The following CEACAM4 variants were observed in gnomAD, a reference collection of about 807,000 sequenced individuals.
CEACAM4 encodes the protein CEA cell adhesion molecule 4, also known as cell adhesion molecule CEACAM4.
In CEACAM4, 30 loss-of-function variants were observed where a neutral mutation model predicts 28.7. The ratio of observed to expected loss-of-function variants is 1.05; its 90% CI spans 0.78 to 1.42. The LOEUF is 1.42. Ranked by LOEUF, CEACAM4 falls within the 40% of genes most tolerant of loss-of-function variation. The pLI, the probability that CEACAM4 is intolerant of heterozygous loss-of-function variation, is 0.00. For missense variants in CEACAM4, 330 were observed against 308.2 expected (o/e 1.07, Z -0.53); for synonymous variants, 143 against 126.5 (o/e 1.13, Z -0.87).
intron 5 of CEACAM4, among the ~76,000 whole-genome samples, 180 bp from the exon 6 acceptor site, chr19:41,619,891 C>G (rs1373582528): frequency 2.0e-5 from 3 of 152,140 alleles, no homozygotes; most frequent in African/African-American, 7.2e-5. Flanking sequence ...GACACAACAC[C>G]CTGACCCCTG....
downstream of CEACAM4, among the ~76,000 whole-genome samples, chr19:41,617,758 C>T (rs1013204687): frequency 1.4e-4 from 22 of 152,152 alleles, no homozygotes; most frequent in African/African-American, 5.3e-4. Context: ...AGGAAATGCA[C>T]TCTTCCCTGG....
In CEACAM4 at chr19:41,620,592, G is replaced by T; in HGVS notation, c.578C>A (p.Pro193His). 2 of 1,612,994 alleles carry T rather than the reference G, an allele frequency of 1.2e-6. No homozygotes were observed. The highest frequency in any genetic ancestry group is 2.2e-5 in the South Asian group (2 of 91,042). The change falls in exon 4 of 7, where the codon CCC (proline) becomes CAC (histidine). Residue 193 changes from proline to histidine, a missense_variant. Transcript: ENST00000221954. Reference sequence around the variant, plus strand: ...ACACTCACCAGGGGTGGAGGCTGGGGGCGGCTGCTCCCTGAGGTCACGCTG... The same window carrying T: ...ACACTCACCAGGGGTGGAGGCTGGGTGCGGCTGCTCCCTGAGGTCACGCTG... ...SIQRDLREQP[P>H]PASTPGHGPS...
Position 41,621,784 on chromosome 19 carries a change from G to C in CEACAM4, c.425-16C>G. 3.3e-6 allele frequency: 5 copies of C among 1,493,324 alleles called. No individual in the cohort carries two copies. Among genetic ancestry groups the C allele is most frequent in the Non-Finnish European group, 4.7e-6 (5 of 1,073,650 alleles). 92.5% of individuals were successfully genotyped at this position (1,493,324 alleles called of 1,614,324 possible). ...ACGTTGTTTTCTGCAGAAAGGGGAA[G>C]GCAAAGGGGACAAGGCCCAAGTTTG... On this transcript the variant is annotated splice_polypyrimidine_tract_variant and intron_variant, in intron 2 of 6. Transcript: ENST00000221954.
intron 1 of CEACAM4, 107 bp from the exon 2 acceptor site, chr19:41,626,067 T>A (rs1346839292): frequency 5.1e-4 from 5 of 9,870 alleles, no homozygotes; most frequent in South Asian, 1.1e-3. Context: ...CCTTGGAGTG[T>A]GTGTGTGTGT....
chr19:41,624,069 AGAACC>A (rs2071484424), intron 2 of CEACAM4, among the ~76,000 whole-genome samples: 1 of 152,146 alleles, frequency 6.6e-6, no homozygotes, highest in African/African-American at 2.4e-5. Context: ...AGGTGTGGCC[AGAACC>A]TCCTAGGATC....
rs115582444 is a variant in CEACAM4 at position 41,626,899 on chromosome 19, C to G, written c.64+1G>C. 2.7e-3 allele frequency: 4,340 copies of G among 1,611,412 alleles called. 96 individuals carry two copies. The African/African-American group carries it at 0.049, about 18-fold the overall frequency. On this transcript the variant is annotated splice_donor_variant, in intron 1 of 6. Transcript: ENST00000221954. LOFTEE classifies it high-confidence loss of function. ...CCACTCCCAGAGAGTCCTCCCCTCA[C>G]CTGTGATCAGGAGCCCCTGCCAGGG...
chr19:41,616,641 C>A (rs893199516), downstream of CEACAM4, among the ~76,000 whole-genome samples: 1 of 152,096 alleles, frequency 6.6e-6, no homozygotes, highest in Non-Finnish European at 1.5e-5. Flanking sequence ...ACACCAAGCA[C>A]AAGGCTCAGC....
At chr19:41,626,870 C>T (rs782612822) in intron 1 of CEACAM4, 30 bp downstream of exon 1, 10 of 1,599,872 alleles carry the variant, frequency 6.3e-6, no homozygotes, top group South Asian at 2.2e-5. Context: ...GCTCCCTCTT[C>T]CCACCACTCC....
chr19:41,626,999 G>T lies in CEACAM4; in HGVS notation c.-36C>A. The T allele has an allele frequency of 6.4e-7, 1 of 1,559,664 alleles. No individual in the cohort carries two copies. The highest frequency in any genetic ancestry group is 1.4e-5 in the African/African-American group (1 of 71,542). On this transcript the variant is annotated 5_prime_UTR_variant, in exon 1 of 7. Coordinates refer to ENST00000221954, the MANE Select transcript of CEACAM4 (RefSeq NM_001817.4). ...GCCTGCTTGTCCTCTGTGGAGAGGA[G>T]CTGGGCTCCAGGAACGCTCTTGTCA...
In CEACAM4 at chr19:41,625,586, G is replaced by A. The variant is rs1555803445; in HGVS notation, c.424+15C>T. The A allele has an allele frequency of 6.4e-7, 1 of 1,557,840 alleles. No homozygotes were observed. Among genetic ancestry groups the A allele is most frequent in the Non-Finnish European group, 8.7e-7 (1 of 1,150,998 alleles). On this transcript the variant is annotated intron_variant, in intron 2 of 6. Coordinates refer to ENST00000221954, the MANE Select transcript of CEACAM4 (RefSeq NM_001817.4). Reference sequence around the variant, plus strand: ...ACTGACCGCCAGCACCCAGAGGTATGGGGGAATCACTCACGGTGTACGTGG... The same window carrying A: ...ACTGACCGCCAGCACCCAGAGGTATAGGGGAATCACTCACGGTGTACGTGG...
chr19:41,614,935 TGGGGAGGGGAA>T (rs1330339661), downstream of CEACAM4, among the ~76,000 whole-genome samples: 3 of 4,824 alleles, frequency 6.2e-4, no homozygotes, highest in Non-Finnish European at 1.2e-3. Context: ...GGGATAGGGG[TGGGGAGGGGAA>T]GGGGAGGGGA....
intron 2 of CEACAM4, among the ~76,000 whole-genome samples, chr19:41,625,380 C>T (rs2071570446): frequency 7.1e-6 from 1 of 141,472 alleles, no homozygotes; most frequent in Non-Finnish European, 1.6e-5. Flanking sequence ...CCTGCTGAGG[C>T]CCCCCCGCCC....
chr19:41,626,349 T>C (rs1333835111), intron 1 of CEACAM4, among the ~76,000 whole-genome samples: 1 of 152,166 alleles, frequency 6.6e-6, no homozygotes, highest in Non-Finnish European at 1.5e-5. Flanking sequence ...AGGGCTCTTG[T>C]CAGCACCTGA....
intron 2 of CEACAM4, among the ~76,000 whole-genome samples, chr19:41,622,891 T>C (rs1324368651): frequency 1.6e-5 from 2 of 126,122 alleles, no homozygotes; most frequent in Admixed American, 7.4e-5. Flanking sequence ...GATAGATAGA[T>C]AGATAGATAT....
chr19:41,616,342 T>C (rs2070981899), downstream of CEACAM4, among the ~76,000 whole-genome samples: 1 of 152,174 alleles, frequency 6.6e-6, no homozygotes, highest in South Asian at 2.1e-4. Context: ...GCGGTGTGGA[T>C]TCTTCAGTGT....
the CEACAM4 span, among the ~76,000 whole-genome samples, chr19:41,613,724 T>C: frequency 6.6e-6 from 1 of 151,802 alleles, no homozygotes. Flanking sequence ...GGGTGTGGGG[T>C]CAGTGGGGCA....
chr19:41,620,177 C>T, intron 5 of CEACAM4, 34 bp downstream of exon 5: 1 of 1,490,650 alleles, frequency 6.7e-7, no homozygotes, highest in Non-Finnish European at 8.9e-7. Flanking sequence ...GTTGGGACCC[C>T]AGTAGAAAAG....
rs1313030937 is a variant in CEACAM4 at position 41,620,451 on chromosome 19, G to A, written c.595+124C>T. On this transcript the variant is annotated intron_variant, in intron 4 of 6. Coordinates refer to ENST00000221954, the MANE Select transcript of CEACAM4 (RefSeq NM_001817.4). Reference sequence around the variant, plus strand: ...AGACAGTCGGGGTCCCCTGTGTCATGTTTCCTGACATCCTCCTTGCAGCCC... The same window carrying A: ...AGACAGTCGGGGTCCCCTGTGTCATATTTCCTGACATCCTCCTTGCAGCCC... The A allele has an allele frequency of 4.7e-5, 44 of 944,816 alleles. No individual in the cohort carries two copies. The Admixed American group carries it at 9.7e-4, about 21-fold the overall frequency. The allele number at this position is 944,816 out of a possible 1,614,324, so 58.5% of individuals were successfully genotyped here.
At chr19:41,617,784 C>T (rs2071014101), downstream of CEACAM4, among the ~76,000 whole-genome samples, 1 of 152,200 alleles carries the variant, frequency 6.6e-6, no homozygotes, top group African/African-American at 2.4e-5. Context: ...CTAGAAAGAA[C>T]ACAGCCATGT....
Sources: gnomAD v4.1 joint callset for allele counts (sites outside exome capture counted in the v4.1 genomes callset) on GRCh38, gnomAD v4.1.1 for gene constraint, MANE v1.5 for transcripts, NCBI Gene and HGNC (gene_info 2026-07-23, HGNC 2026-07-21) for gene names.